Variants in CAPN8 observed in about 807,000 individuals in gnomAD.
CAPN8 encodes the protein calpain 8.
Under a neutral mutation model 80.9 loss-of-function variants are expected in CAPN8, and 87 were observed. The ratio of observed to expected loss-of-function variants is 1.07; its 90% CI spans 0.90 to 1.28. CAPN8 has a LOEUF of 1.28. Ranked by LOEUF, CAPN8 falls within the 50% of genes most tolerant of loss-of-function variation. CAPN8 has a pLI of 0.00. For missense variants in CAPN8, 757 were observed against 702.0 expected, an observed-to-expected ratio of 1.08 and a Z score of -0.89; for synonymous variants, 299 against 273.8, an observed-to-expected ratio of 1.09 and a Z score of -0.91.
chr1:223,543,562 A>G lies in CAPN8; in HGVS notation c.2030-396T>C, dbSNP rs79818492. On this transcript the variant is annotated intron_variant, in intron 19 of 20. Transcript: ENST00000366872. ...ACTGACCTTGACCCACTAGAACGTA[A>G]CACCTACCAAACCTCAGTGGAAGGA... Among the ~76,000 whole-genome samples, 967 of 152,250 alleles carry G rather than the reference A, an allele frequency of 6.4e-3. 13 individuals are homozygous for G. The highest frequency in any genetic ancestry group is 0.02 in the African/African-American group (851 of 41,518).
chr1:223,622,307 C>T (rs900441588), intron 7 of CAPN8, among the ~76,000 whole-genome samples: 1 of 152,180 alleles, frequency 6.6e-6, no homozygotes, highest in African/African-American at 2.4e-5. Flanking sequence ...AGGAGTCTCT[C>T]CAGTCAGTGA....
chr1:223,550,442 G>A (rs984226305), intron 15 of CAPN8, among the ~76,000 whole-genome samples: 1 of 152,154 alleles, frequency 6.6e-6, no homozygotes, highest in African/African-American at 2.4e-5. Context: ...GTGGGCTGGG[G>A]CTCAGAGGGG....
At chr1:223,632,201 T>C (rs951236926) in intron 2 of CAPN8, among the ~76,000 whole-genome samples, 5 of 152,296 alleles carry the variant, frequency 3.3e-5, no homozygotes, top group African/African-American at 1.2e-4. Flanking sequence ...AGTCACTGCA[T>C]GAAGTGTGAA....
intron 8 of CAPN8, 23 bp downstream of exon 8, chr1:223,620,169 G>A (rs537757795): frequency 1.9e-5 from 30 of 1,548,164 alleles, no homozygotes; most frequent in East Asian, 4.9e-5. Context: ...ATGGGACAGC[G>A]CTTCAGCAGA....
At position 223,626,973 on chromosome 1, in the gene CAPN8, A is replaced by G. The variant is rs1274586176; in HGVS notation, c.729+16T>C. On this transcript the variant is annotated intron_variant, in intron 5 of 20. Coordinates refer to ENST00000366872, the MANE Select transcript of CAPN8 (RefSeq NM_001143962.2). ...GGTGGGGGGAGGTGGGGCAGTAGAG[A>G]AGCCATATGCCTCACATCAATGGAG... The G allele has an allele frequency of 6.5e-7, 1 of 1,547,380 alleles. No individual in the cohort carries two copies. Among genetic ancestry groups the G allele is most frequent in the African/African-American group, 1.4e-5 (1 of 72,936 alleles).
intron 9 of CAPN8, chr1:223,617,389 G>A (rs1480220202): frequency 6.6e-6 from 1 of 151,072 alleles, no homozygotes; most frequent in African/African-American, 2.4e-5. Context: ...GGATATCTGT[G>A]GATCCCATAG....
At position 223,628,969 on chromosome 1, in the gene CAPN8, T is replaced by G. The variant is rs187717234; in HGVS notation, c.308-189A>C. 5.2e-6 allele frequency: 3 copies of G among 579,368 alleles called. No homozygotes were observed. In the East Asian group the frequency reaches 8.6e-5, roughly 17 times the overall value. The allele number at this position is 579,368 out of a possible 1,614,324, so 35.9% of individuals were successfully genotyped here. On this transcript the variant is annotated intron_variant, in intron 2 of 20. Coordinates refer to ENST00000366872, the MANE Select transcript of CAPN8 (RefSeq NM_001143962.2). ...CTTCTTCTGCCTCCTTGGGATTTGT[T>G]TACTCGGGAGTGGATCCTCTGCTCC...
chr1:223,611,307 C>T (rs890071707), intron 11 of CAPN8, among the ~76,000 whole-genome samples: 1 of 152,238 alleles, frequency 6.6e-6, no homozygotes, highest in Non-Finnish European at 1.5e-5. Context: ...ATGAGACATA[C>T]CCACCAGTGT....
At chr1:223,647,738 G>A (rs574689979) in intron 2 of CAPN8, among the ~76,000 whole-genome samples, 1 of 152,108 alleles carries the variant, frequency 6.6e-6, no homozygotes, top group East Asian at 1.9e-4. Flanking sequence ...ACAAAAAATA[G>A]GGCCATAAAA....
At chr1:223,557,210 G>T (rs1039449640) in intron 13 of CAPN8, among the ~76,000 whole-genome samples, 2 of 149,666 alleles carry the variant, frequency 1.3e-5, no homozygotes, top group Non-Finnish European at 3.0e-5. Context: ...TCATGCATCA[G>T]CAGAAACACG....
intron 15 of CAPN8, among the ~76,000 whole-genome samples, chr1:223,550,606 C>T (rs1656756560): frequency 1.3e-5 from 2 of 152,198 alleles, no homozygotes; most frequent in Admixed American, 1.3e-4. Context: ...GAGGTTTCCA[C>T]AGTATCCAAG....
intron 2 of CAPN8, among the ~76,000 whole-genome samples, chr1:223,641,569 G>A (rs768162837): frequency 1.2e-4 from 18 of 152,074 alleles, no homozygotes; most frequent in Non-Finnish European, 2.4e-4. Context: ...ATTGCCCTTA[G>A]GAATAAAGTC....
chr1:223,616,920 C>T (rs370821833), intron 9 of CAPN8: 2 of 152,220 alleles, frequency 1.3e-5, no homozygotes, highest in African/African-American at 4.8e-5. Context: ...TCAAAGATGG[C>T]TTTTTTTAAA....
At chr1:223,622,698 C>T (rs950689294) in intron 7 of CAPN8, 117 bp downstream of exon 7, 2 of 797,786 alleles carry the variant, frequency 2.5e-6, no homozygotes, top group Non-Finnish European at 4.3e-6. Context: ...ACTGTGTGAT[C>T]TGCAGACAGG....
rs567312618 is a variant in CAPN8, at chr1:223,624,865, C to T, written c.813+940G>A. Among the ~76,000 whole-genome samples the T allele has an allele frequency of 5.3e-5, 8 of 152,140 alleles. No individual in the cohort carries two copies. The South Asian group carries it at 1.2e-3, about 24-fold the overall frequency. On this transcript the variant is annotated intron_variant, in intron 6 of 20. Transcript: ENST00000366872. The stretch of plus-strand genomic sequence containing the variant: ...ATCCCAGCACTTTGGGAGGTCGAGG[C>T]GGGCAGATCATGAGGTCAGGAAATC...
chr1:223,615,947 G>A lies in CAPN8; in HGVS notation c.1311+23C>T, dbSNP rs751920260. ...CCCAAAACATCAAGTGTATAATGAA[G>A]GACAAACCCAGCACAGCAGTACCTG... On this transcript the variant is annotated intron_variant, in intron 10 of 20. Transcript: ENST00000366872. 64 of 1,551,862 alleles carry A rather than the reference G, an allele frequency of 4.1e-5. 1 individual carries two copies. In the South Asian group the frequency reaches 7.4e-4, roughly 18 times the overall value.
At chr1:223,613,274 G>C (rs565842375) in intron 10 of CAPN8, among the ~76,000 whole-genome samples, 38 of 152,242 alleles carry the variant, frequency 2.5e-4, no homozygotes, top group Non-Finnish European at 4.9e-4. Context: ...ATTGGCAGCA[G>C]AAGTAGAAGA....
chr1:223,550,221 G>A lies in CAPN8; in HGVS notation c.1699+739C>T, dbSNP rs145296191. ...AGCAAGAGTGGTGTGGAGAGGAGAC[G>A]GGCCTGTGCTCCGAGCCCTGGGGAT... On this transcript the variant is annotated intron_variant, in intron 15 of 20. Coordinates refer to ENST00000366872, the MANE Select transcript of CAPN8 (RefSeq NM_001143962.2). 6.3e-3 allele frequency among the ~76,000 whole-genome samples: 954 copies of A among 152,282 alleles called. 12 individuals are homozygous for A. Among genetic ancestry groups the A allele is most frequent in the African/African-American group, 0.02 (841 of 41,556 alleles).
intron 1 of CAPN8, among the ~76,000 whole-genome samples, chr1:223,659,779 G>A (rs1419309): frequency 0.5 from 75,882 of 152,042 alleles, 18,936 homozygotes; most frequent in East Asian, 0.59. Flanking sequence ...GGGTAATATT[G>A]TTATCTCCAT....
Sources: gnomAD v4.1 joint callset for allele counts (sites outside exome capture counted in the v4.1 genomes callset) on GRCh38, gnomAD v4.1.1 for gene constraint, MANE v1.5 for transcripts, NCBI Gene and HGNC (gene_info 2026-07-23, HGNC 2026-07-21) for gene names.